The following PUM1 variants were observed in gnomAD, a reference collection of about 807,000 sequenced individuals.
PUM1 encodes the protein pumilio homolog 1.
Under a neutral mutation model 131.8 loss-of-function variants are expected in PUM1, and 13 were observed. The ratio of observed to expected loss-of-function variants is 0.10; its 90% CI spans 0.06 to 0.16. PUM1 has a LOEUF of 0.16. Among genes scored for constraint, PUM1 ranks in the 10% least tolerant of loss-of-function variants. The pLI is 1.00. For missense variants in PUM1, 961 were observed against 1,512.4 expected (o/e 0.64, Z 6.05); for synonymous variants, 509 against 556.5 (o/e 0.91, Z 1.20).
At chr1:30,962,794 T>C (rs1289787805) in intron 14 of PUM1, among the ~76,000 whole-genome samples, 1 of 152,174 alleles carries the variant, frequency 6.6e-6, no homozygotes. Flanking sequence ...GCTTTCACAC[T>C]TCAACAGCAG....
intron 10 of PUM1, among the ~76,000 whole-genome samples, chr1:30,970,248 A>T (rs190554527): frequency 0.026 from 3,367 of 129,828 alleles, 87 homozygotes; most frequent in African/African-American, 0.067. Context: ...TACCAGTGGT[A>T]AAAAAAAAAT....
At chr1:31,029,531 T>C (rs1424958277) in intron 2 of PUM1, among the ~76,000 whole-genome samples, 2 of 152,208 alleles carry the variant, frequency 1.3e-5, no homozygotes, top group East Asian at 3.8e-4. Context: ...CCAAAGCCAT[T>C]CCTACAAGGT....
At chr1:30,964,533 G>A in intron 14 of PUM1, 141 bp downstream of exon 14, 1 of 748,164 alleles carries the variant, frequency 1.3e-6, no homozygotes, top group South Asian at 1.7e-5. Flanking sequence ...TGAATAACAT[G>A]AGGTATTTAC....
chr1:30,954,749 T>C (rs1305289851), intron 14 of PUM1, among the ~76,000 whole-genome samples: 2 of 151,986 alleles, frequency 1.3e-5, no homozygotes, highest in East Asian at 3.9e-4. Context: ...AAAACAAACA[T>C]ATGACCAAAA....
chr1:31,000,246 C>A (rs894476639), intron 5 of PUM1, among the ~76,000 whole-genome samples: 5 of 152,136 alleles, frequency 3.3e-5, no homozygotes, highest in Admixed American at 3.3e-4. Flanking sequence ...AGTCTATTAG[C>A]TAAATGAATA....
intron 3 of PUM1, among the ~76,000 whole-genome samples, chr1:31,026,583 C>T (rs1361866541): frequency 1.3e-5 from 2 of 152,182 alleles, no homozygotes; most frequent in Non-Finnish European, 2.9e-5. Flanking sequence ...AAATGTTTTA[C>T]CTCTCAATTA....
chr1:31,044,836 G>A (rs1030056358), intron 2 of PUM1, among the ~76,000 whole-genome samples: 1 of 151,842 alleles, frequency 6.6e-6, no homozygotes, highest in Admixed American at 6.6e-5. Context: ...TTGAGACAGA[G>A]TATAGCTGTG....
At position 31,058,657 on chromosome 1, in the gene PUM1, G is replaced by A. The variant is rs187324350; in HGVS notation, c.363+547C>T. On this transcript the variant is annotated intron_variant, in intron 2 of 21. Transcript: ENST00000426105. ...AGCCTGGGCAAAAGAGTGAGACTCC[G>A]TCTTAAAAAAAAAAAAAAATGCATT... Among the ~76,000 whole-genome samples the A allele has an allele frequency of 6.9e-3, 765 of 111,196 alleles. 6 individuals are homozygous for A. The highest frequency in any genetic ancestry group is 0.023 in the African/African-American group (699 of 29,894). 72.9% of individuals were successfully genotyped at this position (111,196 alleles called of 152,430 possible).
chr1:30,997,433 G>C (rs1317860876), intron 5 of PUM1, among the ~76,000 whole-genome samples: 1 of 151,768 alleles, frequency 6.6e-6, no homozygotes, highest in Non-Finnish European at 1.5e-5. Context: ...AGGAGGCAGG[G>C]GTTGCAGTGA....
chr1:30,945,702 C>G (rs1323567172), intron 17 of PUM1, among the ~76,000 whole-genome samples: 3 of 152,182 alleles, frequency 2.0e-5, no homozygotes, highest in Admixed American at 1.3e-4. Flanking sequence ...AATAAATTTA[C>G]TGTAACAATA....
At chr1:31,055,462 C>T (rs868307961) in intron 2 of PUM1, 17 of 453,790 alleles carry the variant, frequency 3.7e-5, no homozygotes, top group Middle Eastern at 3.2e-4. Flanking sequence ...AAAACCAGTA[C>T]AATACACTAT....
At chr1:31,019,493 C>A (rs1217159641) in intron 3 of PUM1, among the ~76,000 whole-genome samples, 1 of 152,238 alleles carries the variant, frequency 6.6e-6, no homozygotes, top group African/African-American at 2.4e-5. Flanking sequence ...ACAACCCTGT[C>A]TGTCAACGAC....
Position 30,966,219 on chromosome 1 carries a change from T to C in PUM1, c.1849A>G (p.Asn617Asp). 5 of 1,613,598 alleles carry C rather than the reference T, an allele frequency of 3.1e-6. No individual in the cohort carries two copies. Among genetic ancestry groups the C allele is most frequent in the Middle Eastern group, 1.7e-4 (1 of 6,030 alleles). ...GTTCCTAAAGGGCGAAATGGTCCAT[T>C]TGTTGTTCCAGCAAGACCACCAGCT... ...GAAGGLAGTT[N>D]GPFRPLGTQQ... The change falls in exon 13 of 22, where the codon AAT becomes GAT. Residue 617 changes from asparagine to aspartate, a missense_variant. Asn to Asp is a conservative substitution (Grantham distance 23, BLOSUM62 1). This residue lies in a region of PUM1 where 654 missense variants were observed against 923.9 expected (regional missense o/e 0.71). Transcript: ENST00000426105.
At position 31,059,916 on chromosome 1, in the gene PUM1, G is replaced by A. The variant is rs1019689932; in HGVS notation, c.-11-339C>T. 7.9e-5 allele frequency among the ~76,000 whole-genome samples: 12 copies of A among 151,424 alleles called. No individual in the cohort carries two copies. In the South Asian group the frequency reaches 1.3e-3, roughly 16 times the overall value. ...GGCTAGGGTGCAATGACGCGATCTC[G>A]GCTCACTACAGCCTCCGCCTCCTAG... On this transcript the variant is annotated intron_variant, in intron 1 of 21. Coordinates refer to ENST00000426105, the MANE Select transcript of PUM1 (RefSeq NM_001020658.2).
intron 2 of PUM1, among the ~76,000 whole-genome samples, chr1:31,038,141 G>C (rs1643677000): frequency 6.6e-6 from 1 of 151,478 alleles, no homozygotes; most frequent in Non-Finnish European, 1.5e-5. Flanking sequence ...AATAAACATG[G>C]CCAAATGGGT....
chr1:31,063,980 C>T (rs1044211009), intron 1 of PUM1, among the ~76,000 whole-genome samples: 2 of 152,144 alleles, frequency 1.3e-5, no homozygotes, highest in African/African-American at 2.4e-5. Flanking sequence ...CTCACTAATA[C>T]GTGTAGCATT....
At chr1:31,052,125 G>A (rs999561934) in intron 2 of PUM1, among the ~76,000 whole-genome samples, 2 of 151,906 alleles carry the variant, frequency 1.3e-5, no homozygotes, top group Non-Finnish European at 2.9e-5. Context: ...CCATTCTCCT[G>A]CCTCAGACTC....
At chr1:31,053,573 A>G (rs1427034696) in intron 2 of PUM1, among the ~76,000 whole-genome samples, 2 of 150,690 alleles carry the variant, frequency 1.3e-5, no homozygotes, top group African/African-American at 4.9e-5. Flanking sequence ...CCTGGGCTCA[A>G]GTGATCCTCC....
Position 30,955,724 on chromosome 1 carries a change from A to G in PUM1, c.2324-1743T>C, listed in dbSNP as rs72657279. Among the ~76,000 whole-genome samples, 416 of 152,272 alleles carry G rather than the reference A, an allele frequency of 2.7e-3. 1 individual carries two copies. The highest frequency in any genetic ancestry group is 3.8e-3 in the Non-Finnish European group (259 of 68,016). On this transcript the variant is annotated intron_variant, in intron 14 of 21. Transcript: ENST00000426105. The stretch of plus-strand genomic sequence containing the variant: ...CTCAACTCTTCACAAGTCTTAATAA[A>G]TGTCTGGTTTGGGGTTTAATGGTAG...
Sources: gnomAD v4.1 joint callset for allele counts (sites outside exome capture counted in the v4.1 genomes callset) on GRCh38, gnomAD v4.1.1 for gene constraint, gnomAD v4.1.1 regional missense constraint, MANE v1.5 for transcripts, NCBI Gene and HGNC (gene_info 2026-07-23, HGNC 2026-07-21) for gene names.